Variants in ACSBG1 observed in about 807,000 individuals in gnomAD.
The protein encoded by ACSBG1 is long-chain-fatty-acid--CoA ligase ACSBG1.
In ACSBG1, 39 loss-of-function variants were observed where a neutral mutation model predicts 80.2. The ratio of observed to expected loss-of-function variants is 0.49; its 90% CI spans 0.38 to 0.64. The LOEUF (loss-of-function observed/expected upper bound fraction) is 0.64, where lower values mean the gene tolerates loss of function less well. Among genes scored for constraint, ACSBG1 ranks in the 30% least tolerant of loss-of-function variants. The pLI is 0.00. For synonymous variants in ACSBG1, 392 were observed against 379.5 expected (o/e 1.03, Z -0.38); for missense variants, 828 against 966.4 (o/e 0.86, Z 1.90).
intron 5 of ACSBG1, among the ~76,000 whole-genome samples, chr15:78,191,541 G>C (rs1210907124): frequency 1.3e-5 from 2 of 152,188 alleles, no homozygotes; most frequent in African/African-American, 4.8e-5. Context: ...GAGTGTCTCA[G>C]GTACCAAAGA....
In ACSBG1 at chr15:78,171,497, A is replaced by T. The variant is rs372529648; in HGVS notation, c.2122T>A (p.Leu708Met). ...TCAATGATACCTTTGTACTTCTCCA[A>T]AACTGTGAGCCGTTTCAGTTTCATC... ...PTMKLKRLTV[L>M]EKYKGIIDSF... The change falls in exon 14 of 14, where the codon TTG becomes ATG. Residue 708 changes from leucine (L) to methionine (M), a missense_variant. Leu to Met is a conservative substitution (Grantham distance 15). Around this residue, in one of 3 missense-constraint regions of ACSBG1, gnomAD observed 201 missense variants for 227.0 expected, o/e 0.89. Transcript: ENST00000258873. 3.7e-6 allele frequency: 6 copies of T among 1,614,204 alleles called. No homozygotes were observed. Among genetic ancestry groups the T allele is most frequent in the Non-Finnish European group, 5.1e-6 (6 of 1,180,012 alleles).
intron 13 of ACSBG1, 69 bp from the exon 14 acceptor site, chr15:78,171,598 G>A (rs2074823481): frequency 1.6e-6 from 2 of 1,290,174 alleles, no homozygotes; most frequent in South Asian, 2.4e-5. Context: ...GTGTGGTAAA[G>A]ACTCACACTC....
At chr15:78,207,365 G>A (rs1429844131) in intron 2 of ACSBG1, among the ~76,000 whole-genome samples, 1 of 152,098 alleles carries the variant, frequency 6.6e-6, no homozygotes, top group South Asian at 2.1e-4. Context: ...TCTGTGCTGG[G>A]TATCTATTGT....
At chr15:78,202,218 T>G (rs1595893328) in intron 2 of ACSBG1, among the ~76,000 whole-genome samples, 1 of 152,072 alleles carries the variant, frequency 6.6e-6, no homozygotes, top group East Asian at 1.9e-4. Flanking sequence ...ATTATTATTA[T>G]TATTACTATT....
intron 2 of ACSBG1, among the ~76,000 whole-genome samples, chr15:78,195,727 A>G (rs1050998174): frequency 2.6e-5 from 4 of 151,978 alleles, no homozygotes; most frequent in African/African-American, 7.3e-5. Flanking sequence ...GGTGGTCTGG[A>G]CCCTTTGGTC....
intron 1 of ACSBG1, among the ~76,000 whole-genome samples, chr15:78,216,216 G>A (rs2075310931): frequency 6.6e-6 from 1 of 152,176 alleles, no homozygotes; most frequent in Non-Finnish European, 1.5e-5. Flanking sequence ...CACCTCCTCT[G>A]TGCCGGATGT....
chr15:78,167,537 G>C lies in ACSBG1; in HGVS notation c.*3907C>G, dbSNP rs554569571. ...TAACATAAAATTTGCCATTTTAGCC[G>C]TATTTAGGTATACAGTTCAATAATG... On this transcript the variant is annotated 3_prime_UTR_variant, in exon 14 of 14. Coordinates refer to ENST00000258873, the MANE Select transcript of ACSBG1 (RefSeq NM_015162.5). 3 of 152,144 alleles carry C rather than the reference G, an allele frequency of 2.0e-5. No homozygotes were observed. The highest frequency in any genetic ancestry group is 4.4e-5 in the Non-Finnish European group (3 of 68,032). The allele number at this position is 152,144 out of a possible 1,614,324, so 9.4% of individuals were successfully genotyped here.
chr15:78,207,925 A>ACCCCCCCCCCCCCCCCCCCACCCCCC, intron 2 of ACSBG1, 77 bp downstream of exon 2: 2 of 454,978 alleles, frequency 4.4e-6, no homozygotes, highest in Admixed American at 2.6e-5. Flanking sequence ...GGTCCCCCAC[A>ACCCCCCCCCCCCCCCCCCCACCCCCC]CCACCCACCC....
intron 1 of ACSBG1, among the ~76,000 whole-genome samples, chr15:78,225,453 A>C (rs1048871739): frequency 1.3e-5 from 2 of 151,536 alleles, no homozygotes; most frequent in Non-Finnish European, 2.9e-5. Context: ...TAAAAAATAA[A>C]ATAAATTACA....
chr15:78,232,460 G>A (rs1468826915), intron 1 of ACSBG1, among the ~76,000 whole-genome samples: 1 of 152,200 alleles, frequency 6.6e-6, no homozygotes, highest in African/African-American at 2.4e-5. Context: ...AACAAGCCCA[G>A]TCCTCTGTGA....
intron 1 of ACSBG1, among the ~76,000 whole-genome samples, chr15:78,219,852 C>G (rs879693105): frequency 1.5e-4 from 23 of 152,012 alleles, no homozygotes; most frequent in Non-Finnish European, 2.6e-4. Flanking sequence ...GGCGTGGGGG[C>G]GGGCACCTGT....
intron 5 of ACSBG1, among the ~76,000 whole-genome samples, chr15:78,187,769 C>T (rs1332641093): frequency 1.3e-5 from 2 of 152,314 alleles, no homozygotes; most frequent in South Asian, 4.1e-4. Flanking sequence ...TGGCACAAGA[C>T]AGGGATGCCC....
intron 1 of ACSBG1, among the ~76,000 whole-genome samples, chr15:78,217,040 A>C (rs1405982819): frequency 6.6e-6 from 1 of 152,166 alleles, no homozygotes; most frequent in East Asian, 1.9e-4. Context: ...ATCACAGATA[A>C]AGGGCCTTCT....
chr15:78,234,241 T>C, intron 1 of ACSBG1, 130 bp downstream of exon 1: 1 of 1,318,414 alleles, frequency 7.6e-7, no homozygotes, highest in East Asian at 2.3e-5. Flanking sequence ...GCCCAGATCC[T>C]TCCCTTCATT....
chr15:78,177,821 C>T lies in ACSBG1; in HGVS notation c.1702+793G>A, dbSNP rs950565138. Among the ~76,000 whole-genome samples the T allele has an allele frequency of 1.3e-5, 2 of 152,154 alleles. No individual in the cohort carries two copies. The highest frequency in any genetic ancestry group is 2.9e-5 in the Non-Finnish European group (2 of 68,018). On this transcript the variant is annotated intron_variant, in intron 11 of 13. Coordinates refer to ENST00000258873, the MANE Select transcript of ACSBG1 (RefSeq NM_015162.5). This position sits in a 1 kb window ranked among gnomAD's most constrained non-coding sequence, Gnocchi z 4.1. ...ATGAAGCCCTGGTGCAGGATTCCCA[C>T]GTGGATGCTGCGGGCATGACACCAA...
At chr15:78,175,461 A>G (rs2141320777) in intron 11 of ACSBG1, among the ~76,000 whole-genome samples, 1 of 152,334 alleles carries the variant, frequency 6.6e-6, no homozygotes, top group South Asian at 2.1e-4. Flanking sequence ...AGGGAGGCAC[A>G]GGGGCTGCAG....
chr15:78,173,784 A>G lies in ACSBG1; in HGVS notation c.1898T>C (p.Met633Thr), dbSNP rs753613581. The G allele has an allele frequency of 1.9e-6, 3 of 1,614,150 alleles. No individual in the cohort carries two copies. The highest frequency in any genetic ancestry group is 8.5e-7 in the Non-Finnish European group (1 of 1,180,022). Reference protein sequence around the residue: ...DQTDNLTEQAMEFCQRVGSRA... With the variant: ...DQTDNLTEQATEFCQRVGSRA... The stretch of plus-strand genomic sequence containing the variant: ...GCTGCCCACCCTCTGGCAGAACTCC[A>G]TAGCTTGTTCAGTCAGATTATCAGT... The change falls in exon 13 of 14, where the codon ATG becomes ACG. Residue 633 changes from methionine (M) to threonine (T), a missense_variant. Transcript: ENST00000258873.
chr15:78,215,243 T>C (rs2075298052), intron 1 of ACSBG1, among the ~76,000 whole-genome samples: 1 of 152,226 alleles, frequency 6.6e-6, no homozygotes, highest in African/African-American at 2.4e-5. Context: ...TGAGTCATGA[T>C]GTTAATGAAT....
intron 5 of ACSBG1, among the ~76,000 whole-genome samples, chr15:78,189,381 T>C (rs1206222859): frequency 4.0e-5 from 6 of 151,610 alleles, no homozygotes; most frequent in African/African-American, 1.2e-4. Flanking sequence ...CGTATGTTTA[T>C]TGCGGCACTA....
Sources: allele counts gnomAD v4.1 joint callset (sites outside exome capture counted in the v4.1 genomes callset), GRCh38; gene constraint gnomAD v4.1.1; regional missense constraint gnomAD v4.1.1; non-coding constraint Gnocchi (gnomAD v3.1); transcripts MANE v1.5; gene names NCBI Gene and HGNC (gene_info 2026-07-23, HGNC 2026-07-21).